Variants in CREB5 observed in about 807,000 individuals in gnomAD.
The protein encoded by CREB5 is cyclic AMP-responsive element-binding protein 5.
Under a neutral mutation model 57.1 loss-of-function variants are expected in CREB5, and 19 were observed. The observed-to-expected ratio is 0.33, with a 90% CI of 0.23 to 0.49. CREB5 has a LOEUF of 0.49. Ranked by LOEUF, CREB5 falls within the 20% of genes least tolerant of loss-of-function variation. CREB5 has a pLI of 0.99. For missense variants in CREB5, 579 were observed against 671.6 expected, an observed-to-expected ratio of 0.86 and a Z score of 1.52; for synonymous variants, 238 against 238.3, an observed-to-expected ratio of 1.00 and a Z score of 0.01.
At chr7:28,579,509 G>A (rs558447375) in intron 5 of CREB5, among the ~76,000 whole-genome samples, 1 of 152,298 alleles carries the variant, frequency 6.6e-6, no homozygotes, top group African/African-American at 2.4e-5. Context: ...TCTGTAAAAT[G>A]ATAGGACCCT....
rs375314756 is a variant in CREB5, at chr7:28,522,461, T to A, written c.291+14724T>A. 6.3e-5 allele frequency among the ~76,000 whole-genome samples: 9 copies of A among 142,842 alleles called. No individual in the cohort carries two copies. The South Asian group carries it at 1.2e-3, about 19-fold the overall frequency. 93.7% of individuals were successfully genotyped at this position (142,842 alleles called of 152,430 possible). On this transcript the variant is annotated intron_variant, in intron 4 of 10. Coordinates refer to ENST00000357727, the MANE Select transcript of CREB5 (RefSeq NM_182898.4). ...CCCAGCCTGGAGTGCAATGGCACAA[T>A]CTCTGCTGACCACAACCTCCGCCTC...
chr7:28,698,633 T>TTTGGG (rs1359808310), intron 5 of CREB5, among the ~76,000 whole-genome samples: 13 of 152,216 alleles, frequency 8.5e-5, no homozygotes, highest in Non-Finnish European at 8.8e-5. Context: ...ATAAGTTCAC[T>TTTGGG]AAAAGCAAAC....
chr7:28,595,813 T>C (rs1796673845), intron 5 of CREB5, among the ~76,000 whole-genome samples: 1 of 152,100 alleles, frequency 6.6e-6, no homozygotes, highest in Non-Finnish European at 1.5e-5. Flanking sequence ...CAAAGCAAAG[T>C]GGATAGGAAC....
At chr7:28,729,785 A>G (rs1024680434) in intron 7 of CREB5, among the ~76,000 whole-genome samples, 38 of 152,356 alleles carry the variant, frequency 2.5e-4, no homozygotes, top group African/African-American at 8.4e-4. Flanking sequence ...AAGAAGTGCT[A>G]TTGACTTTAA....
At chr7:28,302,738 A>C (rs570613175) in intron 1 of CREB5, among the ~76,000 whole-genome samples, 124 of 152,290 alleles carry the variant, frequency 8.1e-4, no homozygotes, top group Admixed American at 1.8e-3. Flanking sequence ...CCAGCATGGA[A>C]AACAACCACT....
chr7:28,560,911 T>TGCGCGCGC (rs1174704522), intron 4 of CREB5, among the ~76,000 whole-genome samples: 4 of 36,056 alleles, frequency 1.1e-4, no homozygotes, highest in East Asian at 6.6e-4. Flanking sequence ...CGCGCGTGCG[T>TGCGCGCGC]GTGCGTGTGT....
At chr7:28,728,327 A>G (rs1362801454) in intron 7 of CREB5, among the ~76,000 whole-genome samples, 1 of 152,214 alleles carries the variant, frequency 6.6e-6, no homozygotes, top group East Asian at 1.9e-4. Context: ...CAAAGACTAA[A>G]GTTTCAGACT....
intron 5 of CREB5, among the ~76,000 whole-genome samples, chr7:28,687,166 G>A (rs1293883409): frequency 2.0e-5 from 3 of 152,110 alleles, no homozygotes; most frequent in African/African-American, 7.2e-5. Context: ...TTTCAGTGAA[G>A]GTTAACAGCA....
chr7:28,561,077 CCTTCT>C (rs1795254924), intron 4 of CREB5, among the ~76,000 whole-genome samples: 1 of 151,470 alleles, frequency 6.6e-6, no homozygotes, highest in Non-Finnish European at 1.5e-5. Flanking sequence ...GTTTTTCATC[CCTTCT>C]CTTCCCTACT....
intron 1 of CREB5, among the ~76,000 whole-genome samples, chr7:28,322,208 C>G (rs1021494428): frequency 2.0e-5 from 3 of 151,988 alleles, no homozygotes; most frequent in African/African-American, 7.3e-5. Flanking sequence ...ACAATTGGCT[C>G]CTTGGGTAAA....
rs1583629591 is a variant in CREB5, at chr7:28,560,884, G to GCA, written c.292-9481_292-9480insCA. 2.0e-4 allele frequency among the ~76,000 whole-genome samples: 7 copies of GCA among 34,856 alleles called. 3 individuals carry two copies. Among genetic ancestry groups the GCA allele is most frequent in the Non-Finnish European group, 3.4e-4 (7 of 20,800 alleles). The allele number at this position is 34,856 out of a possible 152,430, so 22.9% of individuals were successfully genotyped here. A position where few individuals can be genotyped will look rare whatever the true frequency, so the allele number is the denominator to read the frequency against. On this transcript the variant is annotated intron_variant, in intron 4 of 10. Coordinates refer to ENST00000357727, the MANE Select transcript of CREB5 (RefSeq NM_182898.4). ...CGTGTGCCTGCGTGCGCGTGCGTGC[G>GCA]TGCGTGTGTGTGCGTGCGCGCGTGC...
At chr7:28,413,092 ATGTG>A (rs10599936) in intron 1 of CREB5, among the ~76,000 whole-genome samples, 175 bp downstream of exon 1, 73,394 of 147,126 alleles carry the variant, frequency 0.5, 20,286 homozygotes, top group East Asian at 0.65. Context: ...ATGTGGAAGG[ATGTG>A]TGTGTGTGTG....
chr7:28,600,538 G>A (rs367782655), intron 5 of CREB5, among the ~76,000 whole-genome samples: 1 of 152,178 alleles, frequency 6.6e-6, no homozygotes, highest in African/African-American at 2.4e-5. Context: ...GGGATGATGA[G>A]GAGGAGGGGC....
intron 5 of CREB5, among the ~76,000 whole-genome samples, chr7:28,584,646 A>G (rs1310523382): frequency 6.6e-6 from 1 of 152,158 alleles, no homozygotes; most frequent in East Asian, 1.9e-4. Flanking sequence ...TAACCTCCAG[A>G]ACTGTGAAAA....
chr7:28,358,970 C>A (rs1425142545), intron 1 of CREB5, among the ~76,000 whole-genome samples: 2 of 152,178 alleles, frequency 1.3e-5, no homozygotes, highest in African/African-American at 4.8e-5. Flanking sequence ...TCTTTCTTTT[C>A]CCCTCTCCTT....
At chr7:28,720,742 C>T (rs1177459528) in intron 6 of CREB5, among the ~76,000 whole-genome samples, 1 of 152,150 alleles carries the variant, frequency 6.6e-6, no homozygotes, top group East Asian at 1.9e-4. Flanking sequence ...GCAATTATCC[C>T]ACATTTTATT....
chr7:28,468,695 G>A (rs1292061842), intron 1 of CREB5, among the ~76,000 whole-genome samples: 1 of 152,236 alleles, frequency 6.6e-6, no homozygotes, highest in African/African-American at 2.4e-5. Flanking sequence ...GTAGTTATCA[G>A]CTTGTGTCTG....
At chr7:28,649,416 T>C (rs564045191) in intron 5 of CREB5, among the ~76,000 whole-genome samples, 3 of 152,346 alleles carry the variant, frequency 2.0e-5, no homozygotes, top group East Asian at 3.9e-4. Context: ...CACAGCCCCA[T>C]CCATTCATTG....
chr7:28,442,393 C>A (rs182542852), intron 1 of CREB5, among the ~76,000 whole-genome samples: 8 of 152,280 alleles, frequency 5.3e-5, no homozygotes, highest in African/African-American at 1.9e-4. Flanking sequence ...AATAGTGCTG[C>A]AGCAAACATG....
Sources: allele counts gnomAD v4.1 joint callset (sites outside exome capture counted in the v4.1 genomes callset), GRCh38; gene constraint gnomAD v4.1.1; transcripts MANE v1.5; gene names NCBI Gene and HGNC (gene_info 2026-07-23, HGNC 2026-07-21).